The following ZNF114 variants were observed in gnomAD, a reference collection of about 807,000 sequenced individuals.
ZNF114 encodes the protein zinc finger protein 114.
A neutral mutation model predicts 6.8 loss-of-function variants in ZNF114; 8 were observed. The observed-to-expected ratio is 1.18, with a 90% CI of 0.69 to 2.13. ZNF114 has a LOEUF of 2.13. Among genes scored for constraint, ZNF114 ranks in the 30% most tolerant of loss-of-function variants. ZNF114 has a pLI of 0.00. For synonymous variants in ZNF114, 169 were observed against 185.5 expected (o/e 0.91, Z 0.72); for missense variants, 472 against 519.5 (o/e 0.91, Z 0.89).
At position 48,286,068 on chromosome 19, in the gene ZNF114, A is replaced by G; in HGVS notation, c.444A>G (p.Gln148=). Residue 148 remains glutamine, a synonymous_variant, in exon 6 of 6, where the codon CAA becomes CAG. Transcript: ENST00000595607. ...LVPSQGDSIR[Q]CILTRDSSIF... ...CTTCACAGGGAGATTCCATAAGACA[A>G]TGTATCCTAACACGTGACTCAAGTA... The G allele has an allele frequency of 1.2e-6, 2 of 1,614,036 alleles. No individual in the cohort carries two copies. The highest frequency in any genetic ancestry group is 1.7e-6 in the Non-Finnish European group (2 of 1,180,034).
chr19:48,280,457 G>C lies in ZNF114; in HGVS notation c.9+649G>C, dbSNP rs1199412429. The stretch of plus-strand genomic sequence containing the variant: ...ACTCAGGGTCTCACAGGGGACACTA[G>C]GCGTTTATGGAGCGGGCAGTGGCAG... On this transcript the variant is annotated intron_variant, in intron 4 of 5. Transcript: ENST00000595607. Among the ~76,000 whole-genome samples, 3 of 152,062 alleles carry C rather than the reference G, an allele frequency of 2.0e-5. No homozygotes were observed. In the East Asian group the frequency reaches 5.8e-4, roughly 29 times the overall value.
rs1330052475 is a variant in ZNF114 at position 48,277,794 on chromosome 19, G to GGGTGTGTGTGTGTGT, written c.-69-1936_-69-1935insGTGTGTGTGTGTGTG. Among the ~76,000 whole-genome samples the GGGTGTGTGTGTGTGT allele has an allele frequency of 8.3e-4, 99 of 119,408 alleles. 3 individuals carry two copies. The highest frequency in any genetic ancestry group is 3.1e-3 in the African/African-American group (95 of 30,594). The allele number at this position is 119,408 out of a possible 152,430, so 78.3% of individuals were successfully genotyped here. A position where few individuals can be genotyped will look rare whatever the true frequency, so the allele number is the denominator to read the frequency against. ...GAATAGACTGACCAGGGAGGCATTGGGTGTGTGTGTGTGTGTGTGTGTGTG... is the reference window on the plus strand; with the variant it reads ...GAATAGACTGACCAGGGAGGCATTGGGGTGTGTGTGTGTGTGTGTGTGTGTGTGTGTGTGTGTGTG... On this transcript the variant is annotated intron_variant, in intron 3 of 5. Transcript: ENST00000595607.
At chr19:48,272,117 A>G (rs973338965) in intron 3 of ZNF114, among the ~76,000 whole-genome samples, 3 of 152,178 alleles carry the variant, frequency 2.0e-5, no homozygotes, top group Non-Finnish European at 4.4e-5. Flanking sequence ...CATCCATGAA[A>G]GTATTGGAGC....
chr19:48,280,547 ATTTTTTT>A (rs397859226), intron 4 of ZNF114, among the ~76,000 whole-genome samples: 4 of 123,012 alleles, frequency 3.3e-5, no homozygotes, highest in Admixed American at 8.7e-5. Context: ...CCCACTCCAA[ATTTTTTT>A]TTTTTTTTTT....
intron 3 of ZNF114, among the ~76,000 whole-genome samples, chr19:48,276,673 G>A (rs1337254135): frequency 6.6e-6 from 1 of 152,140 alleles, no homozygotes; most frequent in Non-Finnish European, 1.5e-5. Context: ...AGAGGCGCAC[G>A]CCAGCGTGCC....
At chr19:48,283,203 T>A (rs1424058274) in intron 5 of ZNF114, among the ~76,000 whole-genome samples, 1 of 152,114 alleles carries the variant, frequency 6.6e-6, no homozygotes, top group Non-Finnish European at 1.5e-5. Flanking sequence ...TTTTATTCTC[T>A]TCGTGATTGA....
chr19:48,273,598 T>A (rs1041149618), intron 3 of ZNF114, among the ~76,000 whole-genome samples: 3 of 151,780 alleles, frequency 2.0e-5, no homozygotes, highest in African/African-American at 7.3e-5. Context: ...TGTAATGGGG[T>A]TATCATCAGG....
chr19:48,285,834 A>G lies in ZNF114; in HGVS notation c.210A>G (p.Glu70=). ...TTCTTCCTAAAAGAACATTTCCTGA[A>G]GCCAACAGAGTGTGTCTCACGAGCA... The part of the protein sequence containing the change: ...PDILPKRTFP[E]ANRVCLTSIS... The change falls in exon 6 of 6, where the codon GAA becomes GAG. Residue 70 remains glutamate (E), a synonymous_variant. Coordinates refer to ENST00000595607, the MANE Select transcript of ZNF114 (RefSeq NM_153608.4). The G allele has an allele frequency of 6.2e-7, 1 of 1,614,200 alleles. No individual in the cohort carries two copies. The highest frequency in any genetic ancestry group is 8.5e-7 in the Non-Finnish European group (1 of 1,180,034).
At chr19:48,277,939 AT>A (rs967155016) in intron 3 of ZNF114, among the ~76,000 whole-genome samples, 69 of 147,896 alleles carry the variant, frequency 4.7e-4, no homozygotes, top group African/African-American at 1.2e-3. Context: ...TATATTTGAA[AT>A]TTTTTTTTTT....
intron 5 of ZNF114, among the ~76,000 whole-genome samples, chr19:48,285,386 T>C (rs1018351288): frequency 7.9e-5 from 12 of 152,044 alleles, no homozygotes; most frequent in African/African-American, 2.9e-4. Flanking sequence ...TAATCTCAGC[T>C]ACTCAGGAAG....
At chr19:48,283,883 A>G (rs907216326) in intron 5 of ZNF114, among the ~76,000 whole-genome samples, 4 of 151,964 alleles carry the variant, frequency 2.6e-5, no homozygotes, top group Admixed American at 1.3e-4. Context: ...ATAGACATGC[A>G]CCACCATACC....
At chr19:48,282,583 G>A in intron 5 of ZNF114, 86 bp downstream of exon 5, 1 of 1,479,566 alleles carries the variant, frequency 6.8e-7, no homozygotes, top group Non-Finnish European at 9.0e-7. Flanking sequence ...TTGGAAAATG[G>A]GAACTGGGTT....
In ZNF114 at chr19:48,275,419, A is replaced by AACACACACACACACACACACAC. The variant is rs58275965; in HGVS notation, c.-70+3609_-70+3630dup. Among the ~76,000 whole-genome samples, 391 of 133,168 alleles carry AACACACACACACACACACACAC rather than the reference A, an allele frequency of 2.9e-3. 1 individual carries two copies. Among genetic ancestry groups the AACACACACACACACACACACAC allele is most frequent in the African/African-American group, 3.9e-3 (131 of 33,436 alleles). 87.4% of individuals were successfully genotyped at this position (133,168 alleles called of 152,430 possible). A position where few individuals can be genotyped will look rare whatever the true frequency, so the allele number is the denominator to read the frequency against. ...CATGATGAAGTCCTGTCTCTACTAA[A>AACACACACACACACACACACAC]ACACACACACACACACACACACACA... On this transcript the variant is annotated intron_variant, in intron 3 of 5. Coordinates refer to ENST00000595607, the MANE Select transcript of ZNF114 (RefSeq NM_153608.4).
At chr19:48,273,429 T>TTG (rs1967732018) in intron 3 of ZNF114, among the ~76,000 whole-genome samples, 1 of 11,140 alleles carries the variant, frequency 9.0e-5, no homozygotes, top group South Asian at 1.7e-3. Flanking sequence ...TTCTTTTCTG[T>TTG]TTTTTTTTTT....
chr19:48,286,266 T>G lies in ZNF114; in HGVS notation c.642T>G (p.Ile214Met), dbSNP rs1968126149. 1 of 1,614,046 alleles carries G rather than the reference T, an allele frequency of 6.2e-7. No individual in the cohort carries two copies. Among genetic ancestry groups the G allele is most frequent in the Non-Finnish European group, 8.5e-7 (1 of 1,180,044 alleles). The change falls in exon 6 of 6, where the codon ATT becomes ATG. Residue 214 changes from isoleucine to methionine, a missense_variant. Coordinates refer to ENST00000595607, the MANE Select transcript of ZNF114 (RefSeq NM_153608.4). ...QNTVHHIRDE[I>M]DTGANRHQRN... ...CTGTGCATCATATACGTGATGAAAT[T>G]GATACGGGGGCCAACAGGCACCAGC...
In ZNF114 at chr19:48,271,823, G is replaced by A. The variant is rs1012838546; in HGVS notation, c.-75G>A. 1.3e-5 allele frequency: 2 copies of A among 152,468 alleles called. No individual in the cohort carries two copies. The highest frequency in any genetic ancestry group is 2.9e-5 in the Non-Finnish European group (2 of 68,238). 9.4% of individuals were successfully genotyped at this position (152,468 alleles called of 1,614,324 possible). ...GAGACATCTGGAAGCCGGAGCTAGT[G>A]GAAGAGTAAGTGTGCCTGAGTGTCC... On this transcript the variant is annotated 5_prime_UTR_variant, in exon 3 of 6. Transcript: ENST00000595607.
At position 48,286,418 on chromosome 19, in the gene ZNF114, T is replaced by C. The variant is rs967120867; in HGVS notation, c.794T>C (p.Met265Thr). 3.1e-6 allele frequency: 5 copies of C among 1,614,094 alleles called. No individual in the cohort carries two copies. The highest frequency in any genetic ancestry group is 3.3e-5 in the Admixed American group (2 of 59,986). Residue 265 changes from methionine (M) to threonine (T), a missense_variant, in exon 6 of 6, where the codon ATG (methionine) becomes ACG (threonine). By Grantham distance (81) the Met-to-Thr change is moderately conservative. Transcript: ENST00000595607. ...NTSRNNSIHAMQMQLYTAETN... is the reference protein window; with the variant it reads ...NTSRNNSIHATQMQLYTAETN... ...TCCAGAAATAACTCAATTCACGCCA[T>C]GCAGATGCAGTTGTATACCGCAGAG... is the stretch of plus-strand genomic sequence containing the variant.
chr19:48,270,730 G>GA (rs1044408657), intron 1 of ZNF114, among the ~76,000 whole-genome samples: 1 of 147,514 alleles, frequency 6.8e-6, no homozygotes, highest in African/African-American at 2.5e-5. Flanking sequence ...GAAAGAAAGA[G>GA]AAAAAAGGGA....
rs145251823 is a variant in ZNF114, at chr19:48,286,074, C to A, written c.450C>A (p.Ile150=). 1,402 of 1,613,906 alleles carry A rather than the reference C, an allele frequency of 8.7e-4. No individual in the cohort carries two copies. Among genetic ancestry groups the A allele is most frequent in the Non-Finnish European group, 1.1e-3 (1,342 of 1,180,040 alleles). Reference sequence around the variant, plus strand: ...AGGGAGATTCCATAAGACAATGTATCCTAACACGTGACTCAAGTATTTTCA... The same window carrying A: ...AGGGAGATTCCATAAGACAATGTATACTAACACGTGACTCAAGTATTTTCA... The part of the protein sequence containing the change: ...PSQGDSIRQC[I]LTRDSSIFKY... The change falls in exon 6 of 6, where the codon ATC becomes ATA. Residue 150 remains isoleucine, a synonymous_variant. Transcript: ENST00000595607.
Sources: gnomAD v4.1 joint callset for allele counts (sites outside exome capture counted in the v4.1 genomes callset) on GRCh38, gnomAD v4.1.1 for gene constraint, MANE v1.5 for transcripts, NCBI Gene and HGNC (gene_info 2026-07-23, HGNC 2026-07-21) for gene names.